The following UIMC1 variants were observed in gnomAD, a reference collection of about 807,000 sequenced individuals.
UIMC1 encodes ubiquitin interaction motif containing 1.
In UIMC1, 42 loss-of-function variants were observed where a neutral mutation model predicts 84.9. The observed-to-expected ratio is 0.49, with a 90% CI of 0.39 to 0.64. The LOEUF is 0.64. UIMC1 is among the 30% of genes least tolerant of loss of function. The pLI, the probability that UIMC1 is intolerant of heterozygous loss-of-function variation, is 0.00. For missense variants in UIMC1, 825 were observed against 847.6 expected, an observed-to-expected ratio of 0.97 and a Z score of 0.33; for synonymous variants, 281 against 293.0, an observed-to-expected ratio of 0.96 and a Z score of 0.42.
At chr5:177,011,851 A>G (rs1775555243) in intron 1 of UIMC1, among the ~76,000 whole-genome samples, 1 of 151,012 alleles carries the variant, frequency 6.6e-6, no homozygotes. Context: ...CCCAGGCTGG[A>G]GTGCAGTGGC....
intron 6 of UIMC1, among the ~76,000 whole-genome samples, chr5:176,958,468 C>T (rs1032849434): frequency 2.0e-5 from 3 of 152,136 alleles, no homozygotes; most frequent in Admixed American, 6.6e-5. Flanking sequence ...AGATAATGTA[C>T]ACAATGCACT....
chr5:176,969,809 T>A (rs1375751460), intron 4 of UIMC1, 103 bp from the exon 5 acceptor site: 5 of 903,004 alleles, frequency 5.5e-6, no homozygotes, highest in Non-Finnish European at 8.5e-6. Flanking sequence ...CATAAGACTT[T>A]CTCTTTCTAA....
chr5:176,958,046 G>A, intron 7 of UIMC1, 47 bp downstream of exon 7: 1 of 1,588,244 alleles, frequency 6.3e-7, no homozygotes, highest in Non-Finnish European at 8.6e-7. Context: ...TCTCCCTTAT[G>A]CTGGCAACCA....
intron 10 of UIMC1, among the ~76,000 whole-genome samples, chr5:176,920,280 A>C (rs750373246): frequency 8.6e-5 from 13 of 151,994 alleles, no homozygotes; most frequent in Non-Finnish European, 1.2e-4. Context: ...CGCCCACCTC[A>C]GCCTCCCAAA....
chr5:176,959,695 G>T, intron 6 of UIMC1, among the ~76,000 whole-genome samples: 1 of 131,868 alleles, frequency 7.6e-6, no homozygotes, highest in East Asian at 2.2e-4. Context: ...CAGCCTGGGC[G>T]ACAGAGCGAG....
chr5:177,007,015 C>A (rs1775368018), upstream of UIMC1, among the ~76,000 whole-genome samples: 1 of 152,164 alleles, frequency 6.6e-6, no homozygotes, highest in African/African-American at 2.4e-5. Context: ...TTTAAAATGT[C>A]CATTTTATGA....
rs1759324318 is a variant in UIMC1 at position 176,906,061 on chromosome 5, G to GAAAAAAT, written c.1913-21_1913-15dup. ...TGATGTCTGCATCTGTGATATAAAA[G>GAAAAAAT]AAAAAATAATAATGTTGGTAGTAGT... On this transcript the variant is annotated splice_polypyrimidine_tract_variant and intron_variant, in intron 13 of 14. Coordinates refer to ENST00000511320, the MANE Select transcript of UIMC1 (RefSeq NM_001199298.2). The GAAAAAAT allele has an allele frequency of 2.5e-6, 4 of 1,612,822 alleles. No individual in the cohort carries two copies. The African/African-American group carries it at 5.3e-5, about 22-fold the overall frequency.
At chr5:177,019,731 A>C (rs1581743253) in intron 1 of UIMC1, among the ~76,000 whole-genome samples, 1 of 152,112 alleles carries the variant, frequency 6.6e-6, no homozygotes, top group African/African-American at 2.4e-5. Context: ...CAGGAGTTCA[A>C]GACCAGCCTG....
chr5:177,013,745 A>G (rs1459886855), intron 1 of UIMC1, among the ~76,000 whole-genome samples: 1 of 152,226 alleles, frequency 6.6e-6, no homozygotes, highest in Non-Finnish European at 1.5e-5. Flanking sequence ...AAGGATACAA[A>G]GCAAAATCAG....
chr5:176,956,838 C>A (rs758806284), intron 7 of UIMC1, among the ~76,000 whole-genome samples: 3 of 151,882 alleles, frequency 2.0e-5, no homozygotes, highest in Non-Finnish European at 4.4e-5. Context: ...TGATAAATAA[C>A]TAAATCCTGA....
intron 1 of UIMC1, among the ~76,000 whole-genome samples, chr5:177,005,158 C>A (rs1775079015): frequency 6.6e-6 from 1 of 152,104 alleles, no homozygotes; most frequent in Admixed American, 6.6e-5. Flanking sequence ...CCTGCAGCCT[C>A]CACTTCCTGG....
chr5:177,001,839 A>T (rs1316810176), intron 1 of UIMC1, among the ~76,000 whole-genome samples: 1 of 151,102 alleles, frequency 6.6e-6, no homozygotes, highest in Non-Finnish European at 1.5e-5. Context: ...AGTCCCAGCT[A>T]CTTGGGAGGC....
At chr5:176,974,204 C>T (rs1252119427) in intron 3 of UIMC1, among the ~76,000 whole-genome samples, 2 of 152,090 alleles carry the variant, frequency 1.3e-5, no homozygotes, top group Non-Finnish European at 2.9e-5. Flanking sequence ...TTAATCAAGA[C>T]AGTGTGGTAT....
intron 7 of UIMC1, among the ~76,000 whole-genome samples, chr5:176,956,638 A>G (rs1358954787): frequency 2.0e-5 from 3 of 152,048 alleles, no homozygotes; most frequent in African/African-American, 7.2e-5. Context: ...GTTTTCCCTG[A>G]CTGCTCATGG....
At chr5:176,975,359 C>T in intron 3 of UIMC1, 37 bp downstream of exon 3, 1 of 1,601,314 alleles carries the variant, frequency 6.2e-7, no homozygotes, top group Non-Finnish European at 8.6e-7. Context: ...ATGACTATTA[C>T]AATTCCCAAA....
chr5:176,927,851 CTTTT>C (rs754815729), intron 10 of UIMC1, among the ~76,000 whole-genome samples: 1 of 136,596 alleles, frequency 7.3e-6, no homozygotes, highest in African/African-American at 2.7e-5. Flanking sequence ...GGCCAGCCAG[CTTTT>C]TTTTTTTTTT....
chr5:176,908,097 A>G (rs553928238), intron 12 of UIMC1, among the ~76,000 whole-genome samples: 10 of 152,216 alleles, frequency 6.6e-5, no homozygotes, highest in Non-Finnish European at 1.3e-4. Context: ...CGAGTACTAC[A>G]CAGAATATAG....
intron 1 of UIMC1, among the ~76,000 whole-genome samples, chr5:177,016,829 C>G (rs1407858622): frequency 6.6e-6 from 1 of 152,020 alleles, no homozygotes; most frequent in Non-Finnish European, 1.5e-5. Flanking sequence ...TCAAGACCAC[C>G]CTGGCCAACA....
intron 10 of UIMC1, among the ~76,000 whole-genome samples, chr5:176,915,583 G>A (rs1186309439): frequency 6.6e-6 from 1 of 151,472 alleles, no homozygotes; most frequent in Non-Finnish European, 1.5e-5. Flanking sequence ...AGCCCCCTGA[G>A]TAGCTGGGAT....
Sources: gnomAD v4.1 joint callset for allele counts (sites outside exome capture counted in the v4.1 genomes callset) on GRCh38, gnomAD v4.1.1 for gene constraint, MANE v1.5 for transcripts, NCBI Gene and HGNC (gene_info 2026-07-23, HGNC 2026-07-21) for gene names.